The following DSCAM variants were observed in gnomAD, a reference collection of about 807,000 sequenced individuals.
DSCAM encodes the protein cell adhesion molecule DSCAM.
Under a neutral mutation model 217.7 loss-of-function variants are expected in DSCAM, and 47 were observed. That is an observed-to-expected ratio of 0.22 (90% CI 0.17 to 0.28). The LOEUF is 0.28. DSCAM is among the 10% of genes least tolerant of loss of function. The pLI is 1.00. For missense variants in DSCAM, 2,080 were observed against 2,618.3 expected, an observed-to-expected ratio of 0.79 and a Z score of 4.49; for synonymous variants, 1,056 against 1,015.3, an observed-to-expected ratio of 1.04 and a Z score of -0.76.
chr21:40,014,388 A>G (rs1305784881), intron 32 of DSCAM, among the ~76,000 whole-genome samples: 6 of 74,376 alleles, frequency 8.1e-5, no homozygotes, highest in Non-Finnish European at 2.2e-4. Context: ...AGACTCAAAC[A>G]AAACAAAACA....
At chr21:40,360,387 G>A (rs924593676) in intron 4 of DSCAM, among the ~76,000 whole-genome samples, 1 of 151,836 alleles carries the variant, frequency 6.6e-6, no homozygotes, top group Non-Finnish European at 1.5e-5. Context: ...GCCCATCTAG[G>A]CCTCCCAAAG....
intron 3 of DSCAM, among the ~76,000 whole-genome samples, chr21:40,610,437 C>A (rs900899181): frequency 3.9e-5 from 6 of 152,238 alleles, no homozygotes; most frequent in Non-Finnish European, 7.3e-5. Context: ...TGCCCATGAC[C>A]CTGGGGCTGG....
intron 15 of DSCAM, among the ~76,000 whole-genome samples, chr21:40,174,827 A>T (rs2090705924): frequency 6.6e-6 from 1 of 152,220 alleles, no homozygotes; most frequent in South Asian, 2.1e-4. Context: ...ACTCACATCC[A>T]CAGGCCTGGT....
At chr21:40,709,929 T>C (rs1049142059) in intron 1 of DSCAM, among the ~76,000 whole-genome samples, 18 of 152,224 alleles carry the variant, frequency 1.2e-4, no homozygotes, top group South Asian at 2.1e-4. Flanking sequence ...TCTTCCACAA[T>C]GGTTGAACTA....
chr21:40,185,753 C>T (rs2090887689), intron 14 of DSCAM, among the ~76,000 whole-genome samples: 1 of 144,076 alleles, frequency 6.9e-6, no homozygotes, highest in African/African-American at 2.9e-5. Context: ...GCAAGGTCAG[C>T]CTCTCCTCCC....
At chr21:40,446,640 T>C (rs1238739872) in intron 3 of DSCAM, among the ~76,000 whole-genome samples, 2 of 152,192 alleles carry the variant, frequency 1.3e-5, no homozygotes, top group Admixed American at 6.5e-5. Flanking sequence ...CAGAACAGGC[T>C]CTGGCCAAGT....
chr21:40,318,845 C>T (rs190122985), intron 8 of DSCAM, among the ~76,000 whole-genome samples: 55 of 152,164 alleles, frequency 3.6e-4, no homozygotes, highest in African/African-American at 1.0e-3. Context: ...AAGCTCCCCG[C>T]GGGGTTCAAT....
intron 11 of DSCAM, among the ~76,000 whole-genome samples, chr21:40,227,603 G>T (rs1464860971): frequency 6.6e-6 from 1 of 152,168 alleles, no homozygotes; most frequent in Non-Finnish European, 1.5e-5. Flanking sequence ...TAGCTACAGA[G>T]TACCACCCCT....
intron 3 of DSCAM, among the ~76,000 whole-genome samples, chr21:40,500,212 A>G (rs1377812332): frequency 6.6e-6 from 1 of 152,198 alleles, no homozygotes; most frequent in Non-Finnish European, 1.5e-5. Context: ...CTAAATATTT[A>G]TGAAATAGTT....
chr21:40,067,442 T>C (rs551214405), intron 27 of DSCAM, among the ~76,000 whole-genome samples: 45 of 152,344 alleles, frequency 3.0e-4, no homozygotes, highest in East Asian at 2.3e-3. Flanking sequence ...ATCATGGGAC[T>C]GGAACCCCAT....
intron 3 of DSCAM, among the ~76,000 whole-genome samples, chr21:40,409,469 C>A (rs536276425): frequency 6.6e-6 from 1 of 152,144 alleles, no homozygotes; most frequent in Non-Finnish European, 1.5e-5. Context: ...ACAGTTTCAA[C>A]GCTGAAGAGG....
chr21:40,799,673 C>G (rs1402440519), intron 1 of DSCAM, among the ~76,000 whole-genome samples: 1 of 152,202 alleles, frequency 6.6e-6, no homozygotes, highest in Admixed American at 6.5e-5. Flanking sequence ...CTCTTGAATT[C>G]CTTGGCTTAT....
chr21:40,216,459 T>C (rs753775060), intron 11 of DSCAM, among the ~76,000 whole-genome samples: 1 of 151,988 alleles, frequency 6.6e-6, no homozygotes, highest in African/African-American at 2.4e-5. Context: ...GGTTGCTTTA[T>C]AAAAAAAGCT....
intron 11 of DSCAM, among the ~76,000 whole-genome samples, chr21:40,265,221 T>C (rs1362323347): frequency 6.7e-6 from 1 of 148,626 alleles, no homozygotes; most frequent in African/African-American, 2.5e-5. Flanking sequence ...AAAAAAGAAC[T>C]CAACCCCTTT....
At chr21:40,504,920 T>C (rs1284068708) in intron 3 of DSCAM, among the ~76,000 whole-genome samples, 1 of 152,246 alleles carries the variant, frequency 6.6e-6, no homozygotes, top group African/African-American at 2.4e-5. Context: ...TAGTAAGAGT[T>C]GACTGTCATA....
intron 3 of DSCAM, among the ~76,000 whole-genome samples, chr21:40,582,937 G>A (rs1354682784): frequency 6.6e-6 from 1 of 151,978 alleles, no homozygotes; most frequent in Non-Finnish European, 1.5e-5. Context: ...TTTGAGCAAT[G>A]GAAAAGCAAT....
chr21:40,283,040 G>A (rs2073783829), intron 10 of DSCAM, among the ~76,000 whole-genome samples: 1 of 152,184 alleles, frequency 6.6e-6, no homozygotes, highest in Non-Finnish European at 1.5e-5. Context: ...GTTACTAAAT[G>A]GAATAATAGT....
chr21:40,748,477 T>C (rs117342730), intron 1 of DSCAM, among the ~76,000 whole-genome samples: 2,601 of 152,136 alleles, frequency 0.017, 43 homozygotes, highest in Middle Eastern at 0.02. Flanking sequence ...AGTAATTCCA[T>C]GTACAATAGT....
At chr21:40,075,331 A>T (rs2089350698) in intron 26 of DSCAM, 118 bp from the exon 27 acceptor site, 2 of 1,091,660 alleles carry the variant, frequency 1.8e-6, no homozygotes. Flanking sequence ...AGGTGATGAG[A>T]AATGAAAAGA....
Sources: allele counts gnomAD v4.1 joint callset (sites outside exome capture counted in the v4.1 genomes callset), GRCh38; gene constraint gnomAD v4.1.1; transcripts MANE v1.5; gene names NCBI Gene and HGNC (gene_info 2026-07-23, HGNC 2026-07-21).